Variants in ANKRD36 observed in about 807,000 individuals in gnomAD.
ANKRD36 encodes the protein ankyrin repeat domain 36, also known as ankyrin repeat domain-containing protein 36A.
Under a neutral mutation model 278.1 loss-of-function variants are expected in ANKRD36, and 179 were observed. The observed-to-expected ratio is 0.64, with a 90% CI of 0.57 to 0.73. The LOEUF is 0.73. Among genes scored for constraint, ANKRD36 ranks in the 30% least tolerant of loss-of-function variants. The pLI is 0.00. For synonymous variants in ANKRD36, 320 were observed against 641.1 expected (o/e 0.50, Z 7.57); for missense variants, 1,159 against 1,956.7 (o/e 0.59, Z 7.69).
intron 67 of ANKRD36, among the ~76,000 whole-genome samples, chr2:97,229,845 T>C (rs1302907566): frequency 6.6e-6 from 1 of 152,090 alleles, no homozygotes; most frequent in Non-Finnish European, 1.5e-5. Flanking sequence ...GGTGACAAAA[T>C]CTCTCATCAT....
chr2:97,123,957 T>TATA (rs1553540707), intron 4 of ANKRD36, among the ~76,000 whole-genome samples: 9 of 141,806 alleles, frequency 6.3e-5, no homozygotes, highest in Admixed American at 1.4e-4. Flanking sequence ...TCCTCCATAT[T>TATA]TATATATATA....
Position 97,123,957 on chromosome 2 carries a change from T to TATATA in ANKRD36, c.594-503_594-502insATATA, listed in dbSNP as rs1553540707. On this transcript the variant is annotated intron_variant, in intron 4 of 75. Coordinates refer to ENST00000420699, the MANE Select transcript of ANKRD36 (RefSeq NM_001354587.1). ...AAGGATATATTATTATCCTCCATATTTATATATATATATATATAGTGTTTA... is the reference window on the plus strand; with the variant it reads ...AAGGATATATTATTATCCTCCATATTATATATATATATATATATATATAGTGTTTA... Among the ~76,000 whole-genome samples, 537 of 141,800 alleles carry TATATA rather than the reference T, an allele frequency of 3.8e-3. 1 individual carries two copies. Among genetic ancestry groups the TATATA allele is most frequent in the African/African-American group, 7.1e-3 (279 of 39,150 alleles). The allele number at this position is 141,800 out of a possible 152,430, so 93.0% of individuals were successfully genotyped here. A position where few individuals can be genotyped will look rare whatever the true frequency, so the allele number is the denominator to read the frequency against.
intron 15 of ANKRD36, among the ~76,000 whole-genome samples, chr2:97,156,826 C>T (rs56402677): frequency 0.56 from 77,490 of 137,178 alleles, 24,351 homozygotes; most frequent in Non-Finnish European, 0.75. Context: ...AACTAGTTTA[C>T]AGTCCCACCA....
rs754914782 is a variant in ANKRD36 at position 97,185,517 on chromosome 2, T to G, written c.2041+7T>G. Reference sequence around the variant, plus strand: ...GGACTACAGTGTGGGACAGGTAATTTTGCAAAACACATTTAATGTCATGTT... The same window carrying G: ...GGACTACAGTGTGGGACAGGTAATTGTGCAAAACACATTTAATGTCATGTT... On this transcript the variant is annotated splice_region_variant and intron_variant, in intron 30 of 75. Transcript: ENST00000420699. 1.2e-5 allele frequency: 20 copies of G among 1,609,776 alleles called. No individual in the cohort carries two copies. The highest frequency in any genetic ancestry group is 3.3e-4 in the Middle Eastern group (2 of 6,044).
chr2:97,203,788 C>T (rs1407795582), intron 48 of ANKRD36, among the ~76,000 whole-genome samples: 1 of 151,800 alleles, frequency 6.6e-6, no homozygotes, highest in Non-Finnish European at 1.5e-5. Flanking sequence ...GTCCTCATCA[C>T]TCGGCATATC....
At position 97,139,075 on chromosome 2, in the gene ANKRD36, A is replaced by G. The variant is rs906881048; in HGVS notation, c.800-3565A>G. On this transcript the variant is annotated intron_variant, in intron 6 of 75. Transcript: ENST00000420699. The stretch of plus-strand genomic sequence containing the variant: ...AATGTCAACAAAAGCCAAAATTGAC[A>G]AATGGGATCTAACTAAACTAAAGAA... 2.0e-5 allele frequency among the ~76,000 whole-genome samples: 3 copies of G among 152,098 alleles called. No individual in the cohort carries two copies. The Admixed American group carries it at 2.0e-4, about 10-fold the overall frequency.
chr2:97,124,187 C>G (rs1375423541), intron 4 of ANKRD36, among the ~76,000 whole-genome samples: 1 of 151,704 alleles, frequency 6.6e-6, no homozygotes, highest in Non-Finnish European at 1.5e-5. Flanking sequence ...GATAGGTGGC[C>G]TGAGCATAGT....
chr2:97,148,046 G>A (rs2044757207), intron 11 of ANKRD36, among the ~76,000 whole-genome samples: 2 of 151,954 alleles, frequency 1.3e-5, no homozygotes, highest in South Asian at 2.1e-4. Flanking sequence ...TAGGAATGTG[G>A]TATCATCTTC....
intron 22 of ANKRD36, among the ~76,000 whole-genome samples, chr2:97,177,233 G>A (rs1358432772): frequency 2.6e-5 from 4 of 151,846 alleles, no homozygotes; most frequent in East Asian, 3.9e-4. Context: ...AATCAATATC[G>A]TGAAAATGGC....
Position 97,217,331 on chromosome 2 carries a change from A to G in ANKRD36, c.3734A>G (p.Asn1245Ser). 1 of 1,551,552 alleles carries G rather than the reference A, an allele frequency of 6.4e-7. No homozygotes were observed. Among genetic ancestry groups the G allele is most frequent in the East Asian group, 2.5e-5 (1 of 40,576 alleles). The change falls in exon 64 of 76, where the codon AAT becomes AGT. Residue 1245 changes from asparagine to serine, a missense_variant. Physicochemically the swap from Asn to Ser is conservative, Grantham distance 46. Coordinates refer to ENST00000420699, the MANE Select transcript of ANKRD36 (RefSeq NM_001354587.1). Reference sequence around the variant, plus strand: ...TTTAAAAAGAAAGTTTCTCTTTTGAATATTGCCACAAGAATAACAGGCGGT... The same window carrying G: ...TTTAAAAAGAAAGTTTCTCTTTTGAGTATTGCCACAAGAATAACAGGCGGT... The part of the protein sequence containing the change: ...VIFKKKVSLL[N>S]IATRITGGWK...
intron 26 of ANKRD36, among the ~76,000 whole-genome samples, chr2:97,182,715 G>A (rs1156276955): frequency 6.6e-6 from 1 of 151,178 alleles, no homozygotes; most frequent in African/African-American, 2.4e-5. Flanking sequence ...TCTAATGCTT[G>A]TAGCAACTTT....
chr2:97,225,252 AATT>A (rs2069047950), intron 67 of ANKRD36, among the ~76,000 whole-genome samples: 1 of 151,874 alleles, frequency 6.6e-6, no homozygotes, highest in Non-Finnish European at 1.5e-5. Context: ...TTAAAGGAGT[AATT>A]ATTGCTAGTG....
At chr2:97,166,318 C>A (rs1575188724) in intron 20 of ANKRD36, among the ~76,000 whole-genome samples, 1 of 148,888 alleles carries the variant, frequency 6.7e-6, no homozygotes. Context: ...GAAACTGTGT[C>A]TATGGGAGAG....
At chr2:97,172,831 A>ATGTGTGTGTGTGTGTG (rs368506104) in intron 22 of ANKRD36, among the ~76,000 whole-genome samples, 1 of 146,392 alleles carries the variant, frequency 6.8e-6, no homozygotes. Flanking sequence ...TTGTGTGTGA[A>ATGTGTGTGTGTGTGTG]TGTGTGTGTG....
rs150673141 is a variant in ANKRD36, at chr2:97,206,439, A to G, written c.3163+304A>G. ...TTTAATCCTCCAGCTTGTTTTCACT[A>G]AGGGTGGAAGGAGAAAGAGAGGAAG... is the stretch of plus-strand genomic sequence containing the variant. On this transcript the variant is annotated intron_variant, in intron 52 of 75. Transcript: ENST00000420699. Among the ~76,000 whole-genome samples, 316 of 151,564 alleles carry G rather than the reference A, an allele frequency of 2.1e-3. 2 individuals are homozygous for G. The highest frequency in any genetic ancestry group is 7.3e-3 in the African/African-American group (301 of 41,450).
At chr2:97,260,500 T>C (rs2076630928) in intron 75 of ANKRD36, among the ~76,000 whole-genome samples, 1 of 134,224 alleles carries the variant, frequency 7.5e-6, no homozygotes, top group Admixed American at 8.5e-5. Flanking sequence ...TAAACCATAC[T>C]GTAAACGATG....
rs572853917 is a variant in ANKRD36, at chr2:97,157,331, G to A, written c.1261-776G>A. On this transcript the variant is annotated intron_variant, in intron 15 of 75. Transcript: ENST00000420699. ...TTATGAACACAAGCTTTTCTTTTAA[G>A]CTCATATTTGATTGACTGGTCATGT... is the stretch of plus-strand genomic sequence containing the variant. Among the ~76,000 whole-genome samples the A allele has an allele frequency of 2.0e-5, 3 of 151,178 alleles. No homozygotes were observed. In the Admixed American group the frequency reaches 2.0e-4, roughly 10 times the overall value.
chr2:97,125,272 G>T (rs1468217834), intron 5 of ANKRD36, among the ~76,000 whole-genome samples: 7 of 151,258 alleles, frequency 4.6e-5, no homozygotes, highest in Non-Finnish European at 8.8e-5. Context: ...GTTACAACTG[G>T]TTTTTTTTAG....
At chr2:97,227,569 A>C (rs928666245) in intron 67 of ANKRD36, among the ~76,000 whole-genome samples, 1 of 152,114 alleles carries the variant, frequency 6.6e-6, no homozygotes, top group Admixed American at 6.5e-5. Flanking sequence ...TGTCGTCTGC[A>C]AACAGGGACA....
Sources: gnomAD v4.1 joint callset for allele counts (sites outside exome capture counted in the v4.1 genomes callset) on GRCh38, gnomAD v4.1.1 for gene constraint, MANE v1.5 for transcripts, NCBI Gene and HGNC (gene_info 2026-07-23, HGNC 2026-07-21) for gene names.